Variants in PCED1B observed in about 807,000 individuals in gnomAD.
The protein encoded by PCED1B is PC-esterase domain containing 1B.
For synonymous variants in PCED1B, 251 were observed against 246.1 expected, an observed-to-expected ratio of 1.02 and a Z score of -0.19; for missense variants, 573 against 573.9, an observed-to-expected ratio of 1.00 and a Z score of 0.02.
At chr12:47,213,671 T>A (rs1482339951) in intron 2 of PCED1B, among the ~76,000 whole-genome samples, 1 of 152,204 alleles carries the variant, frequency 6.6e-6, no homozygotes, top group Non-Finnish European at 1.5e-5. Flanking sequence ...TGAAAGCACA[T>A]TCACAGGGTA....
At chr12:47,189,798 G>A (rs776496946) in intron 2 of PCED1B, among the ~76,000 whole-genome samples, 5 of 152,156 alleles carry the variant, frequency 3.3e-5, no homozygotes, top group African/African-American at 7.2e-5. Context: ...CACCAGCTTC[G>A]CATTTTCACC....
At chr12:47,151,906 G>T (rs930501609) in intron 2 of PCED1B, among the ~76,000 whole-genome samples, 2 of 152,108 alleles carry the variant, frequency 1.3e-5, no homozygotes, top group Admixed American at 6.5e-5. Flanking sequence ...CGGAAGTAAG[G>T]CTTAATTGAA....
intron 2 of PCED1B, among the ~76,000 whole-genome samples, chr12:47,177,557 AGAT>A (rs1312666634): frequency 6.6e-6 from 1 of 152,104 alleles, no homozygotes; most frequent in Admixed American, 6.6e-5. Flanking sequence ...GAGACGGGAG[AGAT>A]GATGATTATA....
chr12:47,176,421 T>A (rs1941925382), intron 2 of PCED1B, among the ~76,000 whole-genome samples: 1 of 152,126 alleles, frequency 6.6e-6, no homozygotes, highest in Non-Finnish European at 1.5e-5. Flanking sequence ...AACCAAGCCA[T>A]GATTAGAAGC....
chr12:47,230,457 T>C (rs1227662261), intron 3 of PCED1B, among the ~76,000 whole-genome samples: 1 of 151,546 alleles, frequency 6.6e-6, no homozygotes, highest in African/African-American at 2.4e-5. Flanking sequence ...TTTTCCCTTT[T>C]TTTTGACACA....
intron 2 of PCED1B, among the ~76,000 whole-genome samples, chr12:47,200,738 A>G (rs1418432794): frequency 1.3e-5 from 2 of 152,248 alleles, no homozygotes; most frequent in Non-Finnish European, 2.9e-5. Context: ...ATATTAGTGC[A>G]GTGTGCCTAC....
chr12:47,230,109 G>A lies in PCED1B; in HGVS notation c.-57-4898G>A, dbSNP rs762391287. Among the ~76,000 whole-genome samples the A allele has an allele frequency of 2.2e-3, 286 of 129,050 alleles. 2 individuals are homozygous for A. The highest frequency in any genetic ancestry group is 3.6e-3 in the Non-Finnish European group (223 of 61,972). The allele number at this position is 129,050 out of a possible 152,430, so 84.7% of individuals were successfully genotyped here. On this transcript the variant is annotated intron_variant, in intron 3 of 3. Coordinates refer to ENST00000546455, the MANE Select transcript of PCED1B (RefSeq NM_138371.3). ...TTCTTTTTTTTTTTTTTTTTGAGAC[G>A]GAGTCTCACTCTGTCCCCAGGCTGG...
chr12:47,136,787 G>A lies in PCED1B; in HGVS notation c.-526+32592G>A, dbSNP rs532679674. Among the ~76,000 whole-genome samples the A allele has an allele frequency of 3.3e-5, 5 of 151,930 alleles. No homozygotes were observed. The East Asian group carries it at 9.7e-4, about 29-fold the overall frequency. On this transcript the variant is annotated intron_variant, in intron 2 of 3. Coordinates refer to ENST00000546455, the MANE Select transcript of PCED1B (RefSeq NM_138371.3). ...TTAGCATCATTATGAGATAGTATTAGGCAAATTTTTAAGTATAAACGATAT... is the reference window on the plus strand; with the variant it reads ...TTAGCATCATTATGAGATAGTATTAAGCAAATTTTTAAGTATAAACGATAT...
intron 2 of PCED1B, among the ~76,000 whole-genome samples, chr12:47,197,045 C>T (rs1489204453): frequency 6.6e-6 from 1 of 150,562 alleles, no homozygotes; most frequent in East Asian, 1.9e-4. Flanking sequence ...GATAGACCAG[C>T]CTGACCAACA....
chr12:47,235,417 G>A lies in PCED1B; in HGVS notation c.354G>A (p.Leu118=). ...ELQSGEHAPD[L]VIMNSCLWDI... is the part of the protein sequence containing the mutation. ...AGTCGGGCGAGCACGCCCCCGACCTGGTCATCATGAATTCCTGCCTCTGGG... is the reference window on the plus strand; with the variant it reads ...AGTCGGGCGAGCACGCCCCCGACCTAGTCATCATGAATTCCTGCCTCTGGG... Residue 118 remains leucine (L), a synonymous_variant, in exon 4 of 4, where the codon CTG becomes CTA. Transcript: ENST00000546455. The A allele has an allele frequency of 6.2e-7, 1 of 1,614,182 alleles. No individual in the cohort carries two copies. Among genetic ancestry groups the A allele is most frequent in the South Asian group, 1.1e-5 (1 of 91,092 alleles).
At chr12:47,087,898 C>A (rs1565738904) in intron 1 of PCED1B, among the ~76,000 whole-genome samples, 1 of 152,184 alleles carries the variant, frequency 6.6e-6, no homozygotes, top group Admixed American at 6.5e-5. Context: ...AGTAGTGTCT[C>A]TCTCCTGCAC....
At chr12:47,124,094 G>C (rs2040848318) in intron 2 of PCED1B, among the ~76,000 whole-genome samples, 2 of 151,848 alleles carry the variant, frequency 1.3e-5, no homozygotes, top group Non-Finnish European at 2.9e-5. Flanking sequence ...CATGTATACT[G>C]CCCACAAGGC....
intron 3 of PCED1B, among the ~76,000 whole-genome samples, chr12:47,232,463 G>T (rs1943837789): frequency 6.6e-6 from 1 of 152,142 alleles, no homozygotes; most frequent in African/African-American, 2.4e-5. Flanking sequence ...TTTAAAACTT[G>T]AATGTGTAAT....
intron 2 of PCED1B, among the ~76,000 whole-genome samples, chr12:47,105,618 G>T (rs1367015869): frequency 6.6e-6 from 1 of 152,110 alleles, no homozygotes. Context: ...ATGTGCAGAG[G>T]GGGTGGAAAC....
At chr12:47,145,521 G>T (rs1940752630) in intron 2 of PCED1B, among the ~76,000 whole-genome samples, 1 of 152,172 alleles carries the variant, frequency 6.6e-6, no homozygotes, top group Non-Finnish European at 1.5e-5. Flanking sequence ...TAACTTCAAA[G>T]CTTCAAAGGA....
rs542593380 is a variant in PCED1B, at chr12:47,128,744, T to G, written c.-526+24549T>G. On this transcript the variant is annotated intron_variant, in intron 2 of 3. Coordinates refer to ENST00000546455, the MANE Select transcript of PCED1B (RefSeq NM_138371.3). Reference sequence around the variant, plus strand: ...ACTGTCATGCATTTGAGATTCCTAGTCTTGAGATACAGACAAATCTGATGT... The same window carrying G: ...ACTGTCATGCATTTGAGATTCCTAGGCTTGAGATACAGACAAATCTGATGT... Among the ~76,000 whole-genome samples the G allele has an allele frequency of 1.4e-4, 22 of 152,342 alleles. 1 individual carries two copies. Among genetic ancestry groups the G allele is most frequent in the African/African-American group, 5.3e-4 (22 of 41,586 alleles).
At chr12:47,201,958 T>C (rs1313767212) in intron 2 of PCED1B, among the ~76,000 whole-genome samples, 2 of 152,226 alleles carry the variant, frequency 1.3e-5, no homozygotes, top group Non-Finnish European at 2.9e-5. Context: ...CCTGAGCATC[T>C]ATCTGAAAAC....
intron 2 of PCED1B, among the ~76,000 whole-genome samples, chr12:47,168,412 AT>A (rs1292224431): frequency 6.6e-6 from 1 of 151,862 alleles, no homozygotes; most frequent in East Asian, 1.9e-4. Context: ...TCTCTCTCTT[AT>A]TTCTTATCTT....
rs563683098 is a variant in PCED1B at position 47,229,414 on chromosome 12, C to CA, written c.-57-5579dup. On this transcript the variant is annotated intron_variant, in intron 3 of 3. Coordinates refer to ENST00000546455, the MANE Select transcript of PCED1B (RefSeq NM_138371.3). ...GGGCACCAAGAGCAAAACTGCTTCT[C>CA]AAAAAAAAAAAAAAGATAAGAAAAT... 3.1e-3 allele frequency among the ~76,000 whole-genome samples: 380 copies of CA among 121,872 alleles called. 1 individual carries two copies. Among genetic ancestry groups the CA allele is most frequent in the South Asian group, 4.4e-3 (17 of 3,904 alleles). 80.0% of individuals were successfully genotyped at this position (121,872 alleles called of 152,430 possible). A position where few individuals can be genotyped will look rare whatever the true frequency, so the allele number is the denominator to read the frequency against.
Sources: allele counts gnomAD v4.1 joint callset (sites outside exome capture counted in the v4.1 genomes callset), GRCh38; gene constraint gnomAD v4.1.1; transcripts MANE v1.5; gene names NCBI Gene and HGNC (gene_info 2026-07-23, HGNC 2026-07-21).